Variants in MARK3 observed in about 807,000 individuals in gnomAD.
MARK3 encodes MAP/microtubule affinity-regulating kinase 3.
Under a neutral mutation model 90.1 loss-of-function variants are expected in MARK3, and 46 were observed. That is an observed-to-expected ratio of 0.51 (90% CI 0.40 to 0.65). The LOEUF is 0.65. Ranked by LOEUF, MARK3 falls within the 30% of genes least tolerant of loss-of-function variation. The pLI, the probability that MARK3 is intolerant of heterozygous loss-of-function variation, is 0.00. For synonymous variants in MARK3, 321 were observed against 332.6 expected (o/e 0.97, Z 0.38); for missense variants, 818 against 947.2 (o/e 0.86, Z 1.79).
At chr14:103,437,383 G>A (rs2141156383) in intron 3 of MARK3, among the ~76,000 whole-genome samples, 2 of 151,426 alleles carry the variant, frequency 1.3e-5, no homozygotes, top group South Asian at 4.1e-4. Context: ...GACAGAGTGA[G>A]ACTCCGTCTC....
chr14:103,495,830 T>TA (rs927263059), intron 15 of MARK3, among the ~76,000 whole-genome samples: 3 of 152,240 alleles, frequency 2.0e-5, no homozygotes, highest in Admixed American at 1.3e-4. Context: ...AAATCCTTGC[T>TA]AGAGTGGTTG....
chr14:103,488,979 A>C (rs1465719430), intron 14 of MARK3, among the ~76,000 whole-genome samples: 1 of 152,252 alleles, frequency 6.6e-6, no homozygotes, highest in African/African-American at 2.4e-5. Flanking sequence ...ACGTTTGTTG[A>C]ATACCTGCCC....
intron 1 of MARK3, among the ~76,000 whole-genome samples, chr14:103,402,015 G>A (rs556624720): frequency 2.8e-4 from 42 of 152,286 alleles, no homozygotes; most frequent in Non-Finnish European, 5.7e-4. Context: ...GGCTGATGTC[G>A]TGGGAGAGGA....
At chr14:103,464,133 G>C (rs908658732) in intron 7 of MARK3, among the ~76,000 whole-genome samples, 3 of 152,152 alleles carry the variant, frequency 2.0e-5, no homozygotes, top group African/African-American at 7.2e-5. Flanking sequence ...TCTCAGGACA[G>C]CTGCTTATCA....
intron 3 of MARK3, among the ~76,000 whole-genome samples, chr14:103,442,317 C>T (rs1384378818): frequency 6.0e-5 from 9 of 150,692 alleles, no homozygotes; most frequent in African/African-American, 9.8e-5. Context: ...TTGCAGTGAG[C>T]GGACATCGTG....
chr14:103,431,355 C>G (rs964433411), intron 3 of MARK3, among the ~76,000 whole-genome samples: 8 of 152,148 alleles, frequency 5.3e-5, no homozygotes, highest in African/African-American at 1.9e-4. Context: ...GCCTCAGCCT[C>G]CACTTGCTGG....
chr14:103,388,173 CT>C (rs2089960817), intron 1 of MARK3, among the ~76,000 whole-genome samples: 1 of 152,140 alleles, frequency 6.6e-6, no homozygotes, highest in South Asian at 2.1e-4. Flanking sequence ...TCAGGTGATC[CT>C]CCCGCGTCAG....
chr14:103,412,429 C>T lies in MARK3; in HGVS notation c.243+7162C>T, dbSNP rs922164713. On this transcript the variant is annotated intron_variant, in intron 2 of 17. Coordinates refer to ENST00000429436, the MANE Select transcript of MARK3 (RefSeq NM_001128918.3). ...TTCGTGGGATTTGCTTTATCAGAGA[C>T]TCTGAAGCCAAAAATGCATCATACT... is the stretch of plus-strand genomic sequence containing the variant. The T allele has an allele frequency of 6.9e-6, 4 of 576,636 alleles. 1 individual carries two copies. The highest frequency in any genetic ancestry group is 6.2e-6 in the Non-Finnish European group (2 of 321,986). 35.7% of individuals were successfully genotyped at this position (576,636 alleles called of 1,614,324 possible).
chr14:103,473,991 TC>T lies in MARK3; in HGVS notation c.1265-1001del, dbSNP rs528722205. 6.0e-3 allele frequency among the ~76,000 whole-genome samples: 874 copies of T among 145,260 alleles called. 7 individuals carry two copies. Among genetic ancestry groups the T allele is most frequent in the Non-Finnish European group, 8.9e-3 (596 of 67,126 alleles). ...GTGGGTGGATCACGAGGTCAGGAGA[TC>T]GAGACCATCCTGGCTAACACTGTGA... On this transcript the variant is annotated intron_variant, in intron 12 of 17. Coordinates refer to ENST00000429436, the MANE Select transcript of MARK3 (RefSeq NM_001128918.3).
intron 2 of MARK3, among the ~76,000 whole-genome samples, chr14:103,424,596 T>C (rs1327525581): frequency 6.7e-6 from 1 of 150,306 alleles, no homozygotes; most frequent in Non-Finnish European, 1.5e-5. Flanking sequence ...AAGAAACTAG[T>C]GATTAAGAGT....
intron 14 of MARK3, among the ~76,000 whole-genome samples, chr14:103,481,854 C>T (rs2141877937): frequency 7.0e-6 from 1 of 143,370 alleles, no homozygotes; most frequent in African/African-American, 2.5e-5. Context: ...GCAAGCTCCG[C>T]CTCCCGGGTT....
intron 15 of MARK3, among the ~76,000 whole-genome samples, chr14:103,494,860 C>G (rs201601294): frequency 6.6e-6 from 1 of 152,214 alleles, no homozygotes; most frequent in African/African-American, 2.4e-5. Flanking sequence ...TGGTCTTGAA[C>G]TGCTGACCTC....
rs150367932 is a variant in MARK3 at position 103,436,724 on chromosome 14, C to T, written c.297+8284C>T. On this transcript the variant is annotated intron_variant, in intron 3 of 17. Coordinates refer to ENST00000429436, the MANE Select transcript of MARK3 (RefSeq NM_001128918.3). ...AACTTCTGGGCTTAAGCAATCCTCC[C>T]GTCTTGGCCTCCCAAAGCCTTGGGA... is the stretch of plus-strand genomic sequence containing the variant. Among the ~76,000 whole-genome samples the T allele has an allele frequency of 6.5e-3, 988 of 152,240 alleles. 4 individuals are homozygous for T. The highest frequency in any genetic ancestry group is 0.031 in the Middle Eastern group (9 of 294).
intron 2 of MARK3, among the ~76,000 whole-genome samples, chr14:103,415,659 C>T (rs1430020379): frequency 1.3e-5 from 2 of 150,640 alleles, no homozygotes; most frequent in Non-Finnish European, 2.9e-5. Context: ...CATAGCCTCC[C>T]AGAGACCTTT....
chr14:103,477,329 T>C (rs569072773), intron 13 of MARK3, among the ~76,000 whole-genome samples: 56 of 152,206 alleles, frequency 3.7e-4, no homozygotes, highest in Non-Finnish European at 6.5e-4. Context: ...CCATCTCTAC[T>C]AAAAATACAA....
chr14:103,448,644 G>A (rs2093054096), intron 3 of MARK3, among the ~76,000 whole-genome samples: 1 of 152,136 alleles, frequency 6.6e-6, no homozygotes, highest in African/African-American at 2.4e-5. Flanking sequence ...TTTCAAGATA[G>A]CATTGTAAAA....
chr14:103,419,906 G>A (rs1049169750), intron 2 of MARK3, among the ~76,000 whole-genome samples: 1 of 152,140 alleles, frequency 6.6e-6, no homozygotes, highest in African/African-American at 2.4e-5. Flanking sequence ...AAATTCCTCT[G>A]CTGATCAGTG....
At chr14:103,407,756 T>C (rs970604411) in intron 2 of MARK3, among the ~76,000 whole-genome samples, 2 of 151,950 alleles carry the variant, frequency 1.3e-5, no homozygotes, top group Non-Finnish European at 2.9e-5. Flanking sequence ...AGATGGGGTT[T>C]CACCATGTTG....
intron 2 of MARK3, among the ~76,000 whole-genome samples, chr14:103,420,699 A>C (rs974674479): frequency 2.0e-5 from 3 of 152,122 alleles, no homozygotes; most frequent in Admixed American, 2.0e-4. Flanking sequence ...TGTGGTTTCT[A>C]TATTTGCAAA....
Sources: allele counts gnomAD v4.1 joint callset (sites outside exome capture counted in the v4.1 genomes callset), GRCh38; gene constraint gnomAD v4.1.1; transcripts MANE v1.5; gene names NCBI Gene and HGNC (gene_info 2026-07-23, HGNC 2026-07-21).